ZDHHC14: variants seen among roughly 807,000 people sequenced by gnomAD.
ZDHHC14 encodes the protein palmitoyltransferase ZDHHC14.
In ZDHHC14, 16 loss-of-function variants were observed where a neutral mutation model predicts 47.7. The ratio of observed to expected loss-of-function variants is 0.34; its 90% CI spans 0.23 to 0.51. The LOEUF (loss-of-function observed/expected upper bound fraction) is 0.51. Ranked by LOEUF, ZDHHC14 falls within the 20% of genes least tolerant of loss-of-function variation. The pLI is 0.97. For synonymous variants in ZDHHC14, 293 were observed against 278.9 expected (o/e 1.05, Z -0.50); for missense variants, 515 against 662.5 (o/e 0.78, Z 2.44).
chr6:157,546,746 CTG>C (rs1338481424), intron 2 of ZDHHC14, among the ~76,000 whole-genome samples: 3 of 152,146 alleles, frequency 2.0e-5, no homozygotes, highest in Non-Finnish European at 2.9e-5. Flanking sequence ...ATGACAAAAA[CTG>C]TACTAGAAAT....
chr6:157,441,913 T>G (rs374415548), intron 1 of ZDHHC14, among the ~76,000 whole-genome samples: 4 of 152,196 alleles, frequency 2.6e-5, no homozygotes, highest in African/African-American at 9.6e-5. Flanking sequence ...ACAGAAAAGA[T>G]TTCTGTTTCG....
At chr6:157,479,147 C>G (rs2114713079) in intron 1 of ZDHHC14, among the ~76,000 whole-genome samples, 1 of 152,324 alleles carries the variant, frequency 6.6e-6, no homozygotes, top group Non-Finnish European at 1.5e-5. Context: ...TAGGTCCCAC[C>G]TCAGCCACTA....
In ZDHHC14 at chr6:157,651,282, C is replaced by T. The variant is rs1777823495; in HGVS notation, c.966-2243C>T. The stretch of plus-strand genomic sequence containing the variant: ...GGCACCTGGTGGGGCCATCAGCCCT[C>T]CACGTTCCTTGGCTGGCATATGCTT... On this transcript the variant is annotated intron_variant, in intron 7 of 8. Transcript: ENST00000359775. 3.3e-5 allele frequency among the ~76,000 whole-genome samples: 5 copies of T among 152,370 alleles called. No homozygotes were observed. In the South Asian group the frequency reaches 8.3e-4, roughly 25 times the overall value.
intron 1 of ZDHHC14, among the ~76,000 whole-genome samples, chr6:157,490,101 T>G (rs1033782374): frequency 6.6e-6 from 1 of 152,034 alleles, no homozygotes; most frequent in African/African-American, 2.4e-5. Context: ...AGTTTCTAGA[T>G]AGAGAAACAC....
intron 1 of ZDHHC14, among the ~76,000 whole-genome samples, chr6:157,499,918 T>A (rs1780157413): frequency 6.6e-6 from 1 of 152,190 alleles, no homozygotes; most frequent in African/African-American, 2.4e-5. Context: ...CTAAATAATT[T>A]AGCCATGAAT....
chr6:157,622,665 G>A (rs1356194440), intron 3 of ZDHHC14, among the ~76,000 whole-genome samples: 1 of 152,028 alleles, frequency 6.6e-6, no homozygotes, highest in African/African-American at 2.4e-5. Context: ...CATGTGAACT[G>A]TTGTCAGCTC....
intron 1 of ZDHHC14, among the ~76,000 whole-genome samples, chr6:157,457,669 A>T (rs1477109851): frequency 1.3e-5 from 2 of 152,348 alleles, no homozygotes; most frequent in East Asian, 3.9e-4. Flanking sequence ...GTCCAAAATT[A>T]TGCCTGGGAC....
At chr6:157,629,549 A>G (rs62423249) in intron 4 of ZDHHC14, 68,158 of 151,462 alleles carry the variant, frequency 0.45, 16,085 homozygotes, top group East Asian at 0.86. Flanking sequence ...TGGGTGGGAG[A>G]GAATGTTTTG....
chr6:157,598,185 T>C (rs993136654), intron 3 of ZDHHC14, among the ~76,000 whole-genome samples: 1 of 152,202 alleles, frequency 6.6e-6, no homozygotes, highest in Non-Finnish European at 1.5e-5. Context: ...CAGTTGTACA[T>C]TAAGAGTTTG....
At chr6:157,668,321 A>T (rs960504330) in intron 8 of ZDHHC14, among the ~76,000 whole-genome samples, 3 of 151,776 alleles carry the variant, frequency 2.0e-5, no homozygotes, top group African/African-American at 7.3e-5. Context: ...TTATCATCAG[A>T]TAAGTCAGGG....
chr6:157,557,146 C>T (rs928601941), intron 2 of ZDHHC14, among the ~76,000 whole-genome samples: 2 of 152,236 alleles, frequency 1.3e-5, no homozygotes, highest in African/African-American at 4.8e-5. Context: ...ACCTGAACTG[C>T]CGGGCTGCTC....
rs888782864 is a variant in ZDHHC14 at position 157,673,991 on chromosome 6, C to G, written c.*869C>G. On this transcript the variant is annotated 3_prime_UTR_variant, in exon 9 of 9. Coordinates refer to ENST00000359775, the MANE Select transcript of ZDHHC14 (RefSeq NM_024630.3). This position sits in a 1 kb window ranked among gnomAD's most constrained non-coding sequence, Gnocchi z 5.4. ...ATAGCATAAATGAAAACAAAGTCAT[C>G]CAGATGGGGAGAGTTTTTCTTGAAA... The G allele has an allele frequency of 6.6e-6, 1 of 152,596 alleles. No individual in the cohort carries two copies. Among genetic ancestry groups the G allele is most frequent in the Non-Finnish European group, 1.5e-5 (1 of 68,042 alleles). 9.5% of individuals were successfully genotyped at this position (152,596 alleles called of 1,614,324 possible). A position where few individuals can be genotyped will look rare whatever the true frequency, so the allele number is the denominator to read the frequency against.
At chr6:157,579,112 T>C (rs1406717047) in intron 2 of ZDHHC14, among the ~76,000 whole-genome samples, 2 of 151,950 alleles carry the variant, frequency 1.3e-5, no homozygotes, top group Non-Finnish European at 2.9e-5. Context: ...AAGAATGTCA[T>C]TGGTACTTTG....
chr6:157,545,495 T>C (rs1304898327), intron 2 of ZDHHC14, among the ~76,000 whole-genome samples: 1 of 151,350 alleles, frequency 6.6e-6, no homozygotes, highest in Non-Finnish European at 1.5e-5. Flanking sequence ...GCTAACACAG[T>C]GAAACCCCGT....
At position 157,632,875 on chromosome 6, in the gene ZDHHC14, C is replaced by G; in HGVS notation, c.745C>G (p.Pro249Ala). Residue 249 changes from proline (P) to alanine (A), a missense_variant, in exon 5 of 9, where the codon CCT becomes GCT. Transcript: ENST00000359775. Reference protein sequence around the residue: ...TGFLNALKDSPASVLEAVVCF... With the variant: ...TGFLNALKDSAASVLEAVVCF... ...ATTCCTAAATGCCCTTAAGGACAGT[C>G]CTGCAAGATATCCTTTGTGATGATT... is the stretch of plus-strand genomic sequence containing the variant. The G allele has an allele frequency of 6.2e-7, 1 of 1,614,162 alleles. No homozygotes were observed. Among genetic ancestry groups the G allele is most frequent in the Non-Finnish European group, 8.5e-7 (1 of 1,180,018 alleles).
chr6:157,419,784 G>T (rs1778058975), intron 1 of ZDHHC14, among the ~76,000 whole-genome samples: 1 of 152,200 alleles, frequency 6.6e-6, no homozygotes. Context: ...GGGTAGGTTT[G>T]TGTGTGGACA....
At chr6:157,596,624 T>C (rs1359403374) in intron 3 of ZDHHC14, among the ~76,000 whole-genome samples, 1 of 152,202 alleles carries the variant, frequency 6.6e-6, no homozygotes, top group Non-Finnish European at 1.5e-5. Context: ...AGGCCAGGGC[T>C]GAATCCTGGT....
At chr6:157,568,697 T>C (rs1056640778) in intron 2 of ZDHHC14, among the ~76,000 whole-genome samples, 2 of 152,210 alleles carry the variant, frequency 1.3e-5, no homozygotes, top group Admixed American at 1.3e-4. Context: ...TTTTGAGATA[T>C]ACAACTAACT....
At chr6:157,546,928 G>C (rs1401117344) in intron 2 of ZDHHC14, among the ~76,000 whole-genome samples, 1 of 152,240 alleles carries the variant, frequency 6.6e-6, no homozygotes, top group East Asian at 1.9e-4. Context: ...GAGCTGAAAT[G>C]TGAGCTTTGG....
Sources: gnomAD v4.1 joint callset for allele counts (sites outside exome capture counted in the v4.1 genomes callset) on GRCh38, gnomAD v4.1.1 for gene constraint, Gnocchi (gnomAD v3.1) non-coding constraint, MANE v1.5 for transcripts, NCBI Gene and HGNC (gene_info 2026-07-23, HGNC 2026-07-21) for gene names.